Variants in SNCAIP observed in about 807,000 individuals in gnomAD.
SNCAIP encodes the protein synphilin-1.
In SNCAIP, 43 loss-of-function variants were observed where a neutral mutation model predicts 86.7. The observed-to-expected ratio is 0.50, with a 90% CI of 0.39 to 0.64. The LOEUF is 0.64. Ranked by LOEUF, SNCAIP falls within the 30% of genes least tolerant of loss-of-function variation. The pLI is 0.00. For synonymous variants in SNCAIP, 417 were observed against 427.2 expected (o/e 0.98, Z 0.29); for missense variants, 981 against 1,103.1 (o/e 0.89, Z 1.57).
chr5:122,448,669 A>ATTTTTATATATATAATATATG (rs1782967844), intron 8 of SNCAIP, among the ~76,000 whole-genome samples: 1 of 136,676 alleles, frequency 7.3e-6, no homozygotes, highest in Non-Finnish European at 1.5e-5. Flanking sequence ...TATTATATAT[A>ATTTTTATATATATAATATATG]TTATATATGT....
At chr5:122,444,516 A>G (rs755231152) in intron 7 of SNCAIP, 47 bp from the exon 8 acceptor site, 1 of 1,549,660 alleles carries the variant, frequency 6.5e-7, no homozygotes, top group Admixed American at 1.7e-5. Context: ...TTAAAAAATA[A>G]TGTGTACAGA....
At chr5:122,319,231 A>G (rs1193530884) in intron 1 of SNCAIP, among the ~76,000 whole-genome samples, 1 of 139,202 alleles carries the variant, frequency 7.2e-6, no homozygotes, top group Non-Finnish European at 1.5e-5. Context: ...TCAATCCTAT[A>G]AAAAAAAAAA....
intron 1 of SNCAIP, among the ~76,000 whole-genome samples, chr5:122,319,299 G>C (rs1299319930): frequency 6.6e-6 from 1 of 152,050 alleles, no homozygotes; most frequent in East Asian, 1.9e-4. Flanking sequence ...TTGAAATTAA[G>C]ATCAGTTTCT....
chr5:122,348,339 T>C (rs1009396099), intron 1 of SNCAIP, among the ~76,000 whole-genome samples: 4 of 152,180 alleles, frequency 2.6e-5, no homozygotes, highest in African/African-American at 9.6e-5. Flanking sequence ...GCAATTTATA[T>C]TGCTTATTAC....
intron 6 of SNCAIP, among the ~76,000 whole-genome samples, chr5:122,432,759 GT>G (rs1778660370): frequency 6.6e-6 from 1 of 151,410 alleles, no homozygotes; most frequent in African/African-American, 2.4e-5. Context: ...AGTGTTTGCA[GT>G]TAAAAAAAAA....
In SNCAIP at chr5:122,383,575, T is replaced by C. The variant is rs1347820466; in HGVS notation, c.-46-7514T>C. 3 of 153,174 alleles carry C rather than the reference T, an allele frequency of 2.0e-5. No individual in the cohort carries two copies. In the Admixed American group the frequency reaches 2.0e-4, roughly 10 times the overall value. The allele number at this position is 153,174 out of a possible 1,614,324, so 9.5% of individuals were successfully genotyped here. ...CATCTTGGCTCCTCGAGAGATCAGA[T>C]TTAAAGGTACATAAAATATGTATAT... On this transcript the variant is annotated intron_variant, in intron 1 of 10. Transcript: ENST00000261368.
rs1482416719 is a variant in SNCAIP, at chr5:122,340,031, T to C, written c.-47+27747T>C. On this transcript the variant is annotated intron_variant, in intron 1 of 10. Transcript: ENST00000261368. The stretch of plus-strand genomic sequence containing the variant: ...TTTCAACAAGAAGCCAATCTCCTAT[T>C]ACCTTTTTCTTTTTAAGACCACAAT... Among the ~76,000 whole-genome samples, 9 of 152,192 alleles carry C rather than the reference T, an allele frequency of 5.9e-5. No homozygotes were observed. In the East Asian group the frequency reaches 1.7e-3, roughly 29 times the overall value.
chr5:122,459,244 C>A (rs371905187), intron 10 of SNCAIP, among the ~76,000 whole-genome samples: 3 of 152,142 alleles, frequency 2.0e-5, no homozygotes, highest in Non-Finnish European at 4.4e-5. Flanking sequence ...TGGTTATCAG[C>A]GGAAATGTCG....
intron 3 of SNCAIP, among the ~76,000 whole-genome samples, chr5:122,413,937 T>C (rs1260574955): frequency 6.6e-6 from 1 of 152,166 alleles, no homozygotes; most frequent in Admixed American, 6.5e-5. Flanking sequence ...ATAGACAAGG[T>C]CTCACTCTTT....
At chr5:122,411,677 A>C (rs1774154320) in intron 3 of SNCAIP, among the ~76,000 whole-genome samples, 1 of 152,168 alleles carries the variant, frequency 6.6e-6, no homozygotes. Context: ...TTTGCTTTTC[A>C]AATGGCCCTT....
chr5:122,403,852 C>T lies in SNCAIP; in HGVS notation c.117C>T (p.Asn39=). 2.5e-6 allele frequency: 4 copies of T among 1,613,464 alleles called. No individual in the cohort carries two copies. The highest frequency in any genetic ancestry group is 3.4e-6 in the Non-Finnish European group (4 of 1,179,474). Residue 39 remains asparagine (N), a synonymous_variant, in exon 3 of 11, where the codon AAC becomes AAT. Transcript: ENST00000261368. ...TGTGCCGAAGATGTGATACGCAAAA[C>T]GAAGACAGATCAGGTAGGTTTTGCT... is the stretch of plus-strand genomic sequence containing the variant. ...PELCRRCDTQ[N]EDRSVSSSSW... is the part of the protein sequence containing the mutation.
intron 7 of SNCAIP, chr5:122,443,426 C>T (rs950468226): frequency 1.8e-5 from 5 of 275,622 alleles, no homozygotes; most frequent in Admixed American, 8.2e-5. Flanking sequence ...AACCATGTTC[C>T]ATCAAATTTC....
chr5:122,354,125 A>G (rs924188573), intron 1 of SNCAIP, among the ~76,000 whole-genome samples: 1 of 152,162 alleles, frequency 6.6e-6, no homozygotes, highest in African/African-American at 2.4e-5. Context: ...TTTAGAATTC[A>G]AGTCTTCCAG....
At chr5:122,317,753 T>C (rs1017933485) in intron 1 of SNCAIP, among the ~76,000 whole-genome samples, 2 of 152,170 alleles carry the variant, frequency 1.3e-5, no homozygotes, top group Non-Finnish European at 2.9e-5. Context: ...TATTAAATAC[T>C]ATAACACCTG....
intron 1 of SNCAIP, among the ~76,000 whole-genome samples, chr5:122,329,900 A>G (rs1754903437): frequency 6.6e-6 from 1 of 152,142 alleles, no homozygotes; most frequent in African/African-American, 2.4e-5. Context: ...ACTAACGGTT[A>G]AAAGTGTGGA....
chr5:122,428,374 T>G (rs1191691508), intron 5 of SNCAIP, among the ~76,000 whole-genome samples: 2 of 152,184 alleles, frequency 1.3e-5, no homozygotes, highest in African/African-American at 4.8e-5. Context: ...GGTTTCAAAC[T>G]CACAATAGTG....
At chr5:122,446,088 C>T (rs896116137) in intron 8 of SNCAIP, among the ~76,000 whole-genome samples, 2 of 152,124 alleles carry the variant, frequency 1.3e-5, no homozygotes, top group South Asian at 2.1e-4. Context: ...AAGGTCTCAA[C>T]GTAATCACAG....
At chr5:122,426,524 A>AT (rs1427961051) in intron 5 of SNCAIP, among the ~76,000 whole-genome samples, 8 of 152,204 alleles carry the variant, frequency 5.3e-5, no homozygotes, top group African/African-American at 1.7e-4. Context: ...AGTTTTATAC[A>AT]TTAAAAAATA....
At chr5:122,427,337 T>C (rs2152934253) in intron 5 of SNCAIP, among the ~76,000 whole-genome samples, 1 of 152,028 alleles carries the variant, frequency 6.6e-6, no homozygotes, top group South Asian at 2.1e-4. Context: ...CAACATAAGA[T>C]TGCCATCATA....
Sources: gnomAD v4.1 joint callset for allele counts (sites outside exome capture counted in the v4.1 genomes callset) on GRCh38, gnomAD v4.1.1 for gene constraint, MANE v1.5 for transcripts, NCBI Gene and HGNC (gene_info 2026-07-23, HGNC 2026-07-21) for gene names.